The following FAM193A variants were observed in gnomAD, a reference collection of about 807,000 sequenced individuals.
FAM193A encodes family with sequence similarity 193 member A, also known as protein FAM193A.
Under a neutral mutation model 126.5 loss-of-function variants are expected in FAM193A, and 22 were observed. The ratio of observed to expected loss-of-function variants is 0.17; its 90% confidence interval spans 0.12 to 0.25. The LOEUF is 0.25. Ranked by LOEUF, FAM193A falls within the 10% of genes least tolerant of loss-of-function variation. FAM193A has a pLI of 1.00. For missense variants in FAM193A, 1,675 were observed against 1,672.8 expected, an observed-to-expected ratio of 1.00 and a Z score of -0.02; for synonymous variants, 761 against 646.8, an observed-to-expected ratio of 1.18 and a Z score of -2.68.
At chr4:2,563,463 G>C (rs1209823162) in intron 1 of FAM193A, among the ~76,000 whole-genome samples, 3 of 152,012 alleles carry the variant, frequency 2.0e-5, no homozygotes, top group South Asian at 2.1e-4. Flanking sequence ...CAGTACTTTT[G>C]GGAGGCCGAG....
intron 20 of FAM193A, among the ~76,000 whole-genome samples, chr4:2,728,131 A>T (rs1577289173): frequency 6.7e-6 from 1 of 150,256 alleles, no homozygotes; most frequent in African/African-American, 2.5e-5. Context: ...GGGTTTCTCC[A>T]TGTTGGTCAG....
intron 12 of FAM193A, among the ~76,000 whole-genome samples, chr4:2,666,151 G>A (rs79072606): frequency 0.017 from 2,617 of 152,252 alleles, 58 homozygotes; most frequent in African/African-American, 0.05. Context: ...CCTTTATTGG[G>A]TTAAGGAAAT....
At chr4:2,690,134 G>T (rs1234245847) in intron 14 of FAM193A, among the ~76,000 whole-genome samples, 1 of 152,200 alleles carries the variant, frequency 6.6e-6, no homozygotes, top group East Asian at 1.9e-4. Context: ...TTACTGCATT[G>T]GCGCCACGTG....
chr4:2,675,930 C>G (rs1352731628), intron 13 of FAM193A, among the ~76,000 whole-genome samples: 1 of 152,150 alleles, frequency 6.6e-6, no homozygotes, highest in Non-Finnish European at 1.5e-5. Context: ...AGCATAATGT[C>G]CTCAGCGTTT....
At chr4:2,720,009 G>A in intron 20 of FAM193A, 1 of 228,586 alleles carries the variant, frequency 4.4e-6, no homozygotes, top group South Asian at 4.0e-5. Context: ...TGCCCAGGCT[G>A]GTCTCGAACT....
Position 2,631,155 on chromosome 4 carries a change from T to A in FAM193A, c.1024T>A (p.Phe342Ile). 1 of 1,609,124 alleles carries A rather than the reference T, an allele frequency of 6.2e-7. No homozygotes were observed. Among genetic ancestry groups the A allele is most frequent in the Non-Finnish European group, 8.5e-7 (1 of 1,177,390 alleles). Residue 342 changes from phenylalanine (F) to isoleucine (I), a missense_variant, in exon 5 of 21, where the codon TTC (phenylalanine) becomes ATC (isoleucine). Transcript: ENST00000637812. ...LCQAARSIST[F>I]LGTLENEHLK... ...CCAGGCCGCACGCTCCATCAGCACC[T>A]TCCTTGGCACTCTGGTAAGAGAGAA...
chr4:2,646,187 T>G (rs1482362984), intron 6 of FAM193A, among the ~76,000 whole-genome samples: 1 of 70,028 alleles, frequency 1.4e-5, no homozygotes, highest in African/African-American at 5.3e-5. Context: ...TTTTTTTTTT[T>G]GAGACAGATT....
intron 19 of FAM193A, among the ~76,000 whole-genome samples, chr4:2,712,513 C>T (rs1432184891): frequency 6.6e-6 from 1 of 152,174 alleles, no homozygotes; most frequent in Non-Finnish European, 1.5e-5. Flanking sequence ...CCCTGCTCTC[C>T]TTCGGCCCAT....
At chr4:2,625,196 T>A (rs989175556) in intron 2 of FAM193A, 66 bp from the exon 3 acceptor site, 5 of 622,844 alleles carry the variant, frequency 8.0e-6, no homozygotes, top group Middle Eastern at 2.5e-4. Flanking sequence ...CCTGAACAGT[T>A]AATAAAAAAT....
intron 1 of FAM193A, among the ~76,000 whole-genome samples, chr4:2,574,547 G>A (rs562261279): frequency 1.3e-5 from 2 of 152,208 alleles, no homozygotes; most frequent in South Asian, 2.1e-4. Flanking sequence ...GTGTATTGAC[G>A]GTCATGGATG....
intron 5 of FAM193A, among the ~76,000 whole-genome samples, chr4:2,638,802 C>T (rs867400307): frequency 1.3e-5 from 2 of 152,170 alleles, no homozygotes; most frequent in South Asian, 2.1e-4. Context: ...ATCTTTGTGT[C>T]GTTCATTTGC....
intron 2 of FAM193A, among the ~76,000 whole-genome samples, chr4:2,611,212 T>C (rs1302168567): frequency 6.6e-6 from 1 of 152,160 alleles, no homozygotes; most frequent in Non-Finnish European, 1.5e-5. Context: ...TTACAGCCAT[T>C]CTAGTGGTTT....
intron 1 of FAM193A, among the ~76,000 whole-genome samples, chr4:2,560,728 T>G (rs747154239): frequency 5.3e-5 from 8 of 152,226 alleles, no homozygotes; most frequent in Non-Finnish European, 1.2e-4. Flanking sequence ...GTTTCTCTCC[T>G]GTGTCTTGAA....
At chr4:2,653,854 C>T (rs866829339) in intron 7 of FAM193A, among the ~76,000 whole-genome samples, 4 of 152,188 alleles carry the variant, frequency 2.6e-5, no homozygotes, top group African/African-American at 9.7e-5. Context: ...GAATAATAGT[C>T]ATTCTGGAAC....
At chr4:2,687,408 A>G (rs1428633745) in intron 13 of FAM193A, among the ~76,000 whole-genome samples, 6 of 152,180 alleles carry the variant, frequency 3.9e-5, no homozygotes, top group Non-Finnish European at 7.3e-5. Flanking sequence ...AGATGAGAAA[A>G]CTAAAGCACA....
At chr4:2,591,531 G>A (rs1740573268) in intron 1 of FAM193A, among the ~76,000 whole-genome samples, 1 of 152,130 alleles carries the variant, frequency 6.6e-6, no homozygotes, top group Admixed American at 6.5e-5. Context: ...CCTTTGTTGT[G>A]TCTCCTGCAT....
At chr4:2,544,667 G>A (rs1044380759) in intron 1 of FAM193A, among the ~76,000 whole-genome samples, 4 of 151,974 alleles carry the variant, frequency 2.6e-5, no homozygotes, top group African/African-American at 7.3e-5. Flanking sequence ...TCGGGCCACT[G>A]CACTCCAGAC....
intron 1 of FAM193A, among the ~76,000 whole-genome samples, chr4:2,556,261 A>G (rs183353995): frequency 1.4e-3 from 217 of 151,130 alleles, no homozygotes; most frequent in African/African-American, 5.1e-3. Context: ...GCTGGAGTGC[A>G]GTGACGCGAT....
intron 1 of FAM193A, among the ~76,000 whole-genome samples, chr4:2,565,384 G>C (rs527634355): frequency 6.7e-6 from 1 of 149,618 alleles, no homozygotes; most frequent in African/African-American, 2.5e-5. Flanking sequence ...TTCAGCCTCC[G>C]GAGTAGCTGG....
Sources: allele counts gnomAD v4.1 joint callset (sites outside exome capture counted in the v4.1 genomes callset), GRCh38; gene constraint gnomAD v4.1.1; transcripts MANE v1.5; gene names NCBI Gene and HGNC (gene_info 2026-07-23, HGNC 2026-07-21).